LRCH1: variants seen among roughly 807,000 people sequenced by gnomAD.
The protein encoded by LRCH1 is leucine rich repeats and calponin homology domain containing 1.
LRCH1 carries 23 observed loss-of-function variants against 94.9 expected under a neutral mutation model. The observed-to-expected ratio is 0.24, with a 90% CI of 0.17 to 0.34. The LOEUF is 0.34. LRCH1 is among the 10% of genes least tolerant of loss of function. The probability of loss-of-function intolerance (pLI) is 1.00; values close to 1 mark genes in which losing one functional copy is unlikely to be tolerated. For missense variants in LRCH1, 790 were observed against 945.9 expected (o/e 0.84, Z 2.16); for synonymous variants, 364 against 354.9 (o/e 1.03, Z -0.29).
chr13:46,675,491 T>G (rs2051659631), intron 3 of LRCH1, among the ~76,000 whole-genome samples: 1 of 152,232 alleles, frequency 6.6e-6, no homozygotes, highest in Admixed American at 6.5e-5. Context: ...AAGGCCTGGC[T>G]CAAGTAACGA....
chr13:46,713,030 A>G (rs17282236), intron 15 of LRCH1, among the ~76,000 whole-genome samples: 5,223 of 152,282 alleles, frequency 0.034, 142 homozygotes, highest in Non-Finnish European at 0.052. Flanking sequence ...TTACTCACAT[A>G]ACAGAGTGGT....
intron 16 of LRCH1, among the ~76,000 whole-genome samples, chr13:46,717,202 G>A (rs1872366014): frequency 6.6e-6 from 1 of 152,132 alleles, no homozygotes; most frequent in Admixed American, 6.5e-5. Flanking sequence ...AGCTGCACCA[G>A]GGTTCCTAAC....
chr13:46,613,711 TG>T (rs1468680106), intron 1 of LRCH1, among the ~76,000 whole-genome samples: 1 of 152,208 alleles, frequency 6.6e-6, no homozygotes, highest in African/African-American at 2.4e-5. Flanking sequence ...CATTTCGAAA[TG>T]GGTCATTGAT....
intron 1 of LRCH1, among the ~76,000 whole-genome samples, chr13:46,591,561 G>A (rs2050499490): frequency 6.6e-6 from 1 of 152,196 alleles, no homozygotes; most frequent in Admixed American, 6.5e-5. Context: ...AGAGCTTGAG[G>A]GTAACCCCCA....
At chr13:46,580,339 T>C (rs1013352721) in intron 1 of LRCH1, among the ~76,000 whole-genome samples, 4 of 152,212 alleles carry the variant, frequency 2.6e-5, no homozygotes, top group African/African-American at 7.2e-5. Flanking sequence ...CTTCTGTCAT[T>C]ACTTCCTTGC....
At chr13:46,703,354 C>T (rs1871586597) in intron 11 of LRCH1, among the ~76,000 whole-genome samples, 1 of 152,152 alleles carries the variant, frequency 6.6e-6, no homozygotes, top group Admixed American at 6.5e-5. Flanking sequence ...TCTCTGCATC[C>T]CATTTCTTCA....
At chr13:46,626,630 C>T (rs1274267813) in intron 1 of LRCH1, among the ~76,000 whole-genome samples, 3 of 152,210 alleles carry the variant, frequency 2.0e-5, no homozygotes, top group African/African-American at 7.2e-5. Flanking sequence ...CTCAGCCCAC[C>T]TGCACCCAGG....
At chr13:46,584,949 G>A (rs1414546019) in intron 1 of LRCH1, among the ~76,000 whole-genome samples, 1 of 124,378 alleles carries the variant, frequency 8.0e-6, no homozygotes, top group African/African-American at 3.0e-5. Flanking sequence ...TGACATAAAA[G>A]TTCCTTTCTC....
At chr13:46,705,851 G>T (rs1871732131) in intron 13 of LRCH1, among the ~76,000 whole-genome samples, 1 of 152,174 alleles carries the variant, frequency 6.6e-6, no homozygotes, top group South Asian at 2.1e-4. Flanking sequence ...TGTAAAGAAA[G>T]CAGTTTTGAC....
intron 1 of LRCH1, among the ~76,000 whole-genome samples, chr13:46,647,653 C>T (rs1297495365): frequency 2.0e-5 from 3 of 152,152 alleles, no homozygotes; most frequent in South Asian, 2.1e-4. Flanking sequence ...TGGCTTTATA[C>T]TATTCATACA....
In LRCH1 at chr13:46,727,905, C is replaced by CTTTCTTT. The variant is rs2092612389; in HGVS notation, c.1870-941_1870-935dup. Among the ~76,000 whole-genome samples the CTTTCTTT allele has an allele frequency of 3.0e-5, 3 of 99,502 alleles. No individual in the cohort carries two copies. In the South Asian group the frequency reaches 1.0e-3, roughly 33 times the overall value. The allele number at this position is 99,502 out of a possible 152,430, so 65.3% of individuals were successfully genotyped here. On this transcript the variant is annotated intron_variant, in intron 17 of 19. Transcript: ENST00000389797. ...AAAATAGTCTAAGAGAAAAACATTT[C>CTTTCTTT]TTTCTTTCTTTCTTTCTTTTTTTTT...
At chr13:46,726,631 C>T (rs1165929729) in intron 17 of LRCH1, among the ~76,000 whole-genome samples, 1 of 152,062 alleles carries the variant, frequency 6.6e-6, no homozygotes, top group Non-Finnish European at 1.5e-5. Context: ...GAAGACCAAG[C>T]CAGGAGCCAG....
Position 46,744,388 on chromosome 13 carries a change from A to C in LRCH1, c.*2540A>C, listed in dbSNP as rs1187948599. ...ATAGCCATTTGTATTCTCTTTCTCC[A>C]GTTTCTCCAACTGGTGGCAACTCTC... On this transcript the variant is annotated 3_prime_UTR_variant, in exon 20 of 20. Coordinates refer to ENST00000389797, the MANE Select transcript of LRCH1 (RefSeq NM_001164211.2). The C allele has an allele frequency of 1.0e-6, 1 of 985,240 alleles. No individual in the cohort carries two copies. The highest frequency in any genetic ancestry group is 1.2e-6 in the Non-Finnish European group (1 of 829,922). 61.0% of individuals were successfully genotyped at this position (985,240 alleles called of 1,614,324 possible).
intron 4 of LRCH1, among the ~76,000 whole-genome samples, chr13:46,682,402 C>G (rs1030820020): frequency 1.3e-5 from 2 of 152,102 alleles, no homozygotes; most frequent in Non-Finnish European, 2.9e-5. Context: ...TTTAAAGACC[C>G]TATTTCCAAA....
At chr13:46,734,876 T>G (rs116630852) in intron 19 of LRCH1, among the ~76,000 whole-genome samples, 2,562 of 152,338 alleles carry the variant, frequency 0.017, 57 homozygotes, top group African/African-American at 0.056. Context: ...TTTGAGTATA[T>G]GAAGAGTTAT....
chr13:46,580,938 G>A (rs966390038), intron 1 of LRCH1, among the ~76,000 whole-genome samples: 6 of 152,154 alleles, frequency 3.9e-5, no homozygotes, highest in African/African-American at 1.4e-4. Flanking sequence ...AATCCAAAAT[G>A]TCATTAAAAT....
rs537676931 is a variant in LRCH1, at chr13:46,617,552, A to G, written c.308-32649A>G. Among the ~76,000 whole-genome samples the G allele has an allele frequency of 7.7e-4, 117 of 152,294 alleles. No individual in the cohort carries two copies. The South Asian group carries it at 0.011, about 14-fold the overall frequency. Reference sequence around the variant, plus strand: ...GACACCCGGCCCCTGCCTTGTAACCATGAACAAGGTTCTCGCAGGGGCTCG... The same window carrying G: ...GACACCCGGCCCCTGCCTTGTAACCGTGAACAAGGTTCTCGCAGGGGCTCG... On this transcript the variant is annotated intron_variant, in intron 1 of 19. Transcript: ENST00000389797.
chr13:46,636,534 T>C (rs958863763), intron 1 of LRCH1, among the ~76,000 whole-genome samples: 8 of 152,150 alleles, frequency 5.3e-5, no homozygotes, highest in African/African-American at 1.9e-4. Flanking sequence ...CAACCATCCT[T>C]ATACCTTCTA....
chr13:46,739,142 AT>A (rs1873530281), intron 19 of LRCH1, among the ~76,000 whole-genome samples: 1 of 152,238 alleles, frequency 6.6e-6, no homozygotes, highest in African/African-American at 2.4e-5. Flanking sequence ...AGCTCTTAGA[AT>A]TTAGACTGTA....
Sources: gnomAD v4.1 joint callset for allele counts (sites outside exome capture counted in the v4.1 genomes callset) on GRCh38, gnomAD v4.1.1 for gene constraint, MANE v1.5 for transcripts, NCBI Gene and HGNC (gene_info 2026-07-23, HGNC 2026-07-21) for gene names.